Variants in ABCC3 observed in about 807,000 individuals in gnomAD.
ABCC3 encodes the protein ATP-binding cassette sub-family C member 3.
Under a neutral mutation model 165.3 loss-of-function variants are expected in ABCC3, and 121 were observed. That is an observed-to-expected ratio of 0.73 (90% CI 0.63 to 0.85). ABCC3 has a LOEUF of 0.85. Ranked by LOEUF, ABCC3 falls within the 40% of genes least tolerant of loss-of-function variation. The pLI is 0.00. For synonymous variants in ABCC3, 733 were observed against 810.1 expected, an observed-to-expected ratio of 0.90 and a Z score of 1.62; for missense variants, 1,869 against 1,964.1, an observed-to-expected ratio of 0.95 and a Z score of 0.92.
intron 5 of ABCC3, 26 bp from the exon 6 acceptor site, chr17:50,658,409 C>T (rs955651002): frequency 1.2e-6 from 2 of 1,610,446 alleles, no homozygotes; most frequent in African/African-American, 2.7e-5. Context: ...CTCCTGATTC[C>T]CCCGTCCTAT....
intron 1 of ABCC3, among the ~76,000 whole-genome samples, chr17:50,644,247 G>T (rs1367101627): frequency 7.2e-6 from 1 of 138,940 alleles, no homozygotes; most frequent in Non-Finnish European, 1.5e-5. Flanking sequence ...GGAGGTGGAG[G>T]TTGCAGTGAG....
chr17:50,669,512 C>CA lies in ABCC3; in HGVS notation c.2226dup (p.Glu743ArgfsTer8), dbSNP rs753124691. The CA allele has an allele frequency of 2.1e-5, 34 of 1,614,178 alleles. No homozygotes were observed. In the East Asian group the frequency reaches 7.1e-4, roughly 34 times the overall value. On this transcript the variant is annotated frameshift_variant, in exon 17 of 31. Transcript: ENST00000285238. LOFTEE classifies it high-confidence loss of function. ...GAGATGCTGCCTGGTGGGGATCAGA[C>CA]AGAGATTGGAGAGAAGGTACAGAGT...
intron 1 of ABCC3, among the ~76,000 whole-genome samples, chr17:50,648,710 C>T (rs926354666): frequency 3.9e-5 from 6 of 152,184 alleles, no homozygotes; most frequent in Non-Finnish European, 8.8e-5. Flanking sequence ...TCATTGTTCA[C>T]AGATTGCCCT....
rs1470371545 is a variant in ABCC3 at position 50,691,157 on chromosome 17, G to C, written c.4541G>C (p.Arg1514Thr). ...TCTCCAGCCAACCTCATTGCAGCTA[G>C]AGGCATCTTCTACGGGATGGCCAGA... ...FDSPANLIAA[R>T]GIFYGMARDA... The change falls in exon 31 of 31, where the codon AGA (arginine) becomes ACA (threonine). Residue 1514 changes from arginine (R) to threonine (T), a missense_variant. Coordinates refer to ENST00000285238, the MANE Select transcript of ABCC3 (RefSeq NM_003786.4). The C allele has an allele frequency of 2.5e-6, 4 of 1,614,204 alleles. No individual in the cohort carries two copies. The highest frequency in any genetic ancestry group is 3.4e-6 in the Non-Finnish European group (4 of 1,180,004).
chr17:50,670,799 C>A lies in ABCC3; in HGVS notation c.2241+1271C>A, dbSNP rs148174244. On this transcript the variant is annotated intron_variant, in intron 17 of 30. Coordinates refer to ENST00000285238, the MANE Select transcript of ABCC3 (RefSeq NM_003786.4). ...GAACCCTGTATGGGGTCTTGGAGTT[C>A]TCTGGCATGACTAGGAGTTGGGAAA... is the stretch of plus-strand genomic sequence containing the variant. Among the ~76,000 whole-genome samples, 195 of 152,186 alleles carry A rather than the reference C, an allele frequency of 1.3e-3. 1 individual carries two copies. The highest frequency in any genetic ancestry group is 4.4e-3 in the African/African-American group (183 of 41,506).
chr17:50,684,063 A>G lies in ABCC3; in HGVS notation c.4069A>G (p.Ile1357Val). The G allele has an allele frequency of 1.2e-6, 2 of 1,613,410 alleles. No individual in the cohort carries two copies. The highest frequency in any genetic ancestry group is 1.3e-5 in the African/African-American group (1 of 74,978). Residue 1357 changes from isoleucine (I) to valine (V), a missense_variant, in exon 28 of 31, where the codon ATC becomes GTC. By Grantham distance (29) the Ile-to-Val change is conservative. Transcript: ENST00000285238. ...CATTGATGGCCTCAATGTGGCAGAC[A>G]TCGGCCTCCATGACCTGCGCTCTCA... ...IRIDGLNVAD[I>V]GLHDLRSQLT...
At chr17:50,656,649 A>T in intron 2 of ABCC3, 53 bp from the exon 3 acceptor site, 2 of 1,559,064 alleles carry the variant, frequency 1.3e-6, no homozygotes, top group Non-Finnish European at 1.7e-6. Context: ...CTTCCCAGTG[A>T]GGACTGTCCT....
intron 28 of ABCC3, 130 bp from the exon 29 acceptor site, chr17:50,684,579 G>A (rs1468829838): frequency 1.0e-6 from 1 of 993,100 alleles, no homozygotes. Flanking sequence ...TGGCCATTGT[G>A]TCCTCTGGGG....
rs1278424829 is a variant in ABCC3, at chr17:50,634,967, G to C, written c.31G>C (p.Gly11Arg). ...CGCCCTGTGCGGTTCCGGGGAGCTC[G>C]GCTCCAAGTTCTGGGTAAGGCGCGG... MDALCGSGELGSKFWDSNLSV... is the reference protein window; with the variant it reads MDALCGSGELRSKFWDSNLSV... Residue 11 changes from glycine (G) to arginine (R), a missense_variant, in exon 1 of 31, where the codon GGC becomes CGC. Transcript: ENST00000285238. The C allele has an allele frequency of 4.0e-6, 5 of 1,259,626 alleles. No homozygotes were observed. The highest frequency in any genetic ancestry group is 1.5e-5 in the African/African-American group (1 of 65,126). 78.0% of individuals were successfully genotyped at this position (1,259,626 alleles called of 1,614,324 possible).
chr17:50,656,834 G>GT lies in ABCC3; in HGVS notation c.348+8dup. On this transcript the variant is annotated splice_region_variant and intron_variant, in intron 3 of 30. Transcript: ENST00000285238. ...GGTGGTGGGGGTCACCATGGTCAGTGTGGGGCCCTGGGAAAGTGGATGGGG... is the reference window on the plus strand; with the variant it reads ...GGTGGTGGGGGTCACCATGGTCAGTGTTGGGGCCCTGGGAAAGTGGATGGGG... 1 of 1,598,916 alleles carries GT rather than the reference G, an allele frequency of 6.3e-7. No homozygotes were observed. Among genetic ancestry groups the GT allele is most frequent in the Non-Finnish European group, 8.5e-7 (1 of 1,174,382 alleles).
At chr17:50,668,299 G>A (rs553368438) in intron 13 of ABCC3, 131 bp from the exon 14 acceptor site, 26 of 753,034 alleles carry the variant, frequency 3.5e-5, no homozygotes, top group Non-Finnish European at 5.3e-5. Flanking sequence ...TCAGTCGTGG[G>A]AGGGACCCCA....
In ABCC3 at chr17:50,659,276, G is replaced by C; in HGVS notation, c.714G>C (p.Lys238Asn). 6.2e-7 allele frequency: 1 copy of C among 1,613,964 alleles called. No homozygotes were observed. The highest frequency in any genetic ancestry group is 1.7e-4 in the Middle Eastern group (1 of 6,038). ...GCTACCGGCATCCCCTGGAGGAGAA[G>C]GACCTCTGGTCCCTAAAGGAAGAGG... ...IYGYRHPLEE[K>N]DLWSLKEEDR... Residue 238 changes from lysine (K) to asparagine (N), a missense_variant, in exon 7 of 31, where the codon AAG (lysine) becomes AAC (asparagine). Coordinates refer to ENST00000285238, the MANE Select transcript of ABCC3 (RefSeq NM_003786.4).
intron 3 of ABCC3, 27 bp downstream of exon 3, chr17:50,656,854 A>G (rs1967261833): frequency 1.3e-6 from 2 of 1,588,650 alleles, no homozygotes; most frequent in African/African-American, 2.7e-5. Context: ...GGGAAAGTGG[A>G]TGGGGGAGGT....
intron 29 of ABCC3, chr17:50,687,245 C>G (rs773479282): frequency 5.4e-5 from 23 of 426,646 alleles, no homozygotes; most frequent in Non-Finnish European, 8.1e-5. Flanking sequence ...ACGGCACTAG[C>G]TGAAAAGCAA....
At chr17:50,659,706 C>T (rs563329755) in intron 7 of ABCC3, among the ~76,000 whole-genome samples, 6 of 152,220 alleles carry the variant, frequency 3.9e-5, no homozygotes, top group South Asian at 2.1e-4. Context: ...ACACTGGGGC[C>T]GGGTGTGGTG....
In ABCC3 at chr17:50,673,030, T is replaced by A. The variant is rs375780424; in HGVS notation, c.2301T>A (p.Ser767Arg). ...QRVSLARAVY[S>R]DADIFLLDDP... Reference sequence around the variant, plus strand: ...TCAGTCTGGCTCGAGCTGTTTACAGTGATGCCGATATTTTCTTGCTGGATG... The same window carrying A: ...TCAGTCTGGCTCGAGCTGTTTACAGAGATGCCGATATTTTCTTGCTGGATG... Residue 767 changes from serine (S) to arginine (R), a missense_variant, in exon 18 of 31, where the codon AGT becomes AGA. Transcript: ENST00000285238. 6 of 1,614,090 alleles carry A rather than the reference T, an allele frequency of 3.7e-6. No homozygotes were observed. Among genetic ancestry groups the A allele is most frequent in the Non-Finnish European group, 5.1e-6 (6 of 1,180,018 alleles).
Position 50,677,841 on chromosome 17 carries a change from G to C in ABCC3, c.3476G>C (p.Ser1159Thr), listed in dbSNP as rs778504540. 1.2e-6 allele frequency: 2 copies of C among 1,614,174 alleles called. No individual in the cohort carries two copies. The highest frequency in any genetic ancestry group is 2.2e-5 in the East Asian group (1 of 44,884). The part of the protein sequence containing the change: ...SHFSETVTGA[S>T]VIRAYNRSRD... ...TTTTCGGAGACAGTGACTGGTGCCA[G>C]TGTCATCCGGGCCTACAACCGCAGC... Residue 1159 changes from serine to threonine, a missense_variant, in exon 24 of 31, where the codon AGT becomes ACT. Physicochemically the swap from Ser to Thr is moderately conservative, Grantham distance 58 (BLOSUM62 1). Coordinates refer to ENST00000285238, the MANE Select transcript of ABCC3 (RefSeq NM_003786.4).
rs140226291 is a variant in ABCC3, at chr17:50,650,473, T to C, written c.46-5359T>C. On this transcript the variant is annotated intron_variant, in intron 1 of 30. Transcript: ENST00000285238. ...TAATCTTAACCAGCTTGATCACCCA[T>C]AAAATTTCTTTCACAAGATTCATCT... Among the ~76,000 whole-genome samples the C allele has an allele frequency of 3.7e-3, 562 of 151,978 alleles. 3 individuals are homozygous for C. The highest frequency in any genetic ancestry group is 0.013 in the African/African-American group (545 of 41,484).
intron 22 of ABCC3, 66 bp downstream of exon 22, chr17:50,676,156 C>T: frequency 6.3e-7 from 1 of 1,599,300 alleles, no homozygotes; most frequent in South Asian, 1.1e-5. Flanking sequence ...CCAGGCCCCC[C>T]AAACCGTGCC....
Sources: allele counts gnomAD v4.1 joint callset (sites outside exome capture counted in the v4.1 genomes callset), GRCh38; gene constraint gnomAD v4.1.1; transcripts MANE v1.5; gene names NCBI Gene and HGNC (gene_info 2026-07-23, HGNC 2026-07-21).